Variants in ALK observed in about 807,000 individuals in gnomAD.
ALK encodes the protein ALK receptor tyrosine kinase, also known as ALK tyrosine kinase receptor.
In ALK, 74 loss-of-function variants were observed where a neutral mutation model predicts 163.1. That is an observed-to-expected ratio of 0.45 (90% CI 0.38 to 0.55). The LOEUF is 0.55. ALK is among the 20% of genes least tolerant of loss of function. The pLI, the probability that ALK is intolerant of heterozygous loss-of-function variation, is 0.00. For missense variants in ALK, 2,063 were observed against 2,105.3 expected, an observed-to-expected ratio of 0.98 and a Z score of 0.39; for synonymous variants, 960 against 843.2, an observed-to-expected ratio of 1.14 and a Z score of -2.40.
At chr2:29,845,808 G>A (rs145498726) in intron 1 of ALK, among the ~76,000 whole-genome samples, 8 of 152,280 alleles carry the variant, frequency 5.3e-5, no homozygotes, top group African/African-American at 1.9e-4. Context: ...AGAAACCTTT[G>A]GTTGAGGAGC....
chr2:29,250,256 T>C (rs113825704), intron 12 of ALK, among the ~76,000 whole-genome samples: 1 of 152,306 alleles, frequency 6.6e-6, no homozygotes, highest in African/African-American at 2.4e-5. Context: ...TCTGGATGTG[T>C]AACTGTGGGG....
chr2:29,364,997 A>G (rs968300257), intron 5 of ALK, among the ~76,000 whole-genome samples: 1 of 152,176 alleles, frequency 6.6e-6, no homozygotes, highest in Non-Finnish European at 1.5e-5. Flanking sequence ...ACCCATCCCT[A>G]TAAGGTTGGC....
At chr2:29,843,303 C>T (rs773515196) in intron 1 of ALK, among the ~76,000 whole-genome samples, 3 of 151,916 alleles carry the variant, frequency 2.0e-5, no homozygotes, top group Admixed American at 1.3e-4. Flanking sequence ...CTCCCACATA[C>T]GGGGCACACA....
chr2:29,770,755 T>C (rs1237677664), intron 1 of ALK, among the ~76,000 whole-genome samples: 2 of 152,008 alleles, frequency 1.3e-5, no homozygotes, highest in South Asian at 2.1e-4. Context: ...AGATAGAAAA[T>C]AGGACAGGAA....
intron 23 of ALK, among the ~76,000 whole-genome samples, chr2:29,214,945 T>C (rs1669561392): frequency 6.6e-6 from 1 of 152,148 alleles, no homozygotes; most frequent in Non-Finnish European, 1.5e-5. Flanking sequence ...GGACACACAC[T>C]GGGGGTTCAG....
chr2:29,876,714 G>A (rs1313556460), intron 1 of ALK, among the ~76,000 whole-genome samples: 3 of 150,238 alleles, frequency 2.0e-5, no homozygotes, highest in African/African-American at 4.9e-5. Context: ...GGTGATGGTG[G>A]TGATGGTGAT....
chr2:29,361,693 C>A (rs1668392052), intron 5 of ALK, among the ~76,000 whole-genome samples: 1 of 152,156 alleles, frequency 6.6e-6, no homozygotes, highest in Non-Finnish European at 1.5e-5. Flanking sequence ...CATGTAGGGT[C>A]TTTTTCAGTG....
chr2:29,898,042 G>A (rs1174179288), intron 1 of ALK, among the ~76,000 whole-genome samples: 1 of 152,192 alleles, frequency 6.6e-6, no homozygotes. Context: ...AGGAGTAAAG[G>A]CAAGACTAGA....
intron 1 of ALK, among the ~76,000 whole-genome samples, chr2:29,730,997 C>T (rs1019853559): frequency 6.6e-6 from 1 of 152,196 alleles, no homozygotes; most frequent in African/African-American, 2.4e-5. Flanking sequence ...AGAAAGTTCC[C>T]AGTGCTTGTC....
At chr2:29,799,617 A>AAGGC (rs1462783648) in intron 1 of ALK, among the ~76,000 whole-genome samples, 8 of 152,214 alleles carry the variant, frequency 5.3e-5, no homozygotes, top group African/African-American at 1.7e-4. Flanking sequence ...CCAGGAGTTC[A>AAGGC]AGGCTCAGTG....
At chr2:29,358,404 T>C (rs1439704493) in intron 5 of ALK, among the ~76,000 whole-genome samples, 1 of 152,240 alleles carries the variant, frequency 6.6e-6, no homozygotes, top group African/African-American at 2.4e-5. Context: ...GAAGTAAATA[T>C]GGAGAAAATC....
chr2:29,750,693 A>G (rs57515167), intron 1 of ALK, among the ~76,000 whole-genome samples: 1 of 98,910 alleles, frequency 1.0e-5, no homozygotes, highest in African/African-American at 4.1e-5. Flanking sequence ...GGAAGGAAGG[A>G]AGGAAGGCAG....
chr2:29,234,955 C>T (rs937005401), intron 13 of ALK, among the ~76,000 whole-genome samples: 4 of 152,194 alleles, frequency 2.6e-5, no homozygotes, highest in African/African-American at 7.2e-5. Context: ...TCAGGTGATC[C>T]GCCTGCCTTG....
At chr2:29,539,282 A>G (rs1353143884) in intron 3 of ALK, among the ~76,000 whole-genome samples, 1 of 152,216 alleles carries the variant, frequency 6.6e-6, no homozygotes, top group East Asian at 1.9e-4. Flanking sequence ...TTCCAGCATC[A>G]GGATCAAATG....
At chr2:29,773,150 T>C (rs542047308) in intron 1 of ALK, among the ~76,000 whole-genome samples, 24 of 152,222 alleles carry the variant, frequency 1.6e-4, no homozygotes, top group Non-Finnish European at 3.2e-4. Context: ...TGAGAATCCA[T>C]TGGAATTTTC....
At chr2:29,831,073 A>G (rs1385438621) in intron 1 of ALK, among the ~76,000 whole-genome samples, 1 of 5,548 alleles carries the variant, frequency 1.8e-4, no homozygotes, top group African/African-American at 3.9e-4. Context: ...GAGGAAGGGG[A>G]GGAGGAGGAG....
At chr2:29,601,361 G>A (rs1167678823) in intron 3 of ALK, among the ~76,000 whole-genome samples, 1 of 152,158 alleles carries the variant, frequency 6.6e-6, no homozygotes, top group Admixed American at 6.5e-5. Flanking sequence ...GTTCACAGGG[G>A]ATAATCATGT....
At chr2:29,858,675 G>C (rs112291557) in intron 1 of ALK, among the ~76,000 whole-genome samples, 135 of 152,176 alleles carry the variant, frequency 8.9e-4, no homozygotes, top group Non-Finnish European at 1.6e-3. Flanking sequence ...CCCAGAAGGT[G>C]GAGGATGCAG....
At chr2:29,231,844 G>A (rs759368302) in intron 15 of ALK, among the ~76,000 whole-genome samples, 2 of 152,198 alleles carry the variant, frequency 1.3e-5, no homozygotes, top group African/African-American at 2.4e-5. Context: ...GAGCTCAGCC[G>A]TGGAGAGTCA....
Sources: allele counts gnomAD v4.1 joint callset (sites outside exome capture counted in the v4.1 genomes callset), GRCh38; gene constraint gnomAD v4.1.1; transcripts MANE v1.5; gene names NCBI Gene and HGNC (gene_info 2026-07-23, HGNC 2026-07-21).